Variants in AQP7 observed in about 807,000 individuals in gnomAD.
AQP7 encodes aquaporin-7.
Under a neutral mutation model 26.1 loss-of-function variants are expected in AQP7, and 22 were observed. The observed-to-expected ratio is 0.84, with a 90% CI of 0.60 to 1.20. The LOEUF (loss-of-function observed/expected upper bound fraction) is 1.20. AQP7 is among the 50% of genes most tolerant of loss of function. The probability of loss-of-function intolerance (pLI) is 0.00; values close to 1 mark genes in which losing one functional copy is unlikely to be tolerated. For synonymous variants in AQP7, 167 were observed against 181.7 expected (o/e 0.92, Z 0.65); for missense variants, 412 against 457.5 (o/e 0.90, Z 0.91).
At chr9:33,395,300 C>T (rs1825766125) in intron 2 of AQP7, 105 bp from the exon 3 acceptor site, 1 of 866,998 alleles carries the variant, frequency 1.2e-6, no homozygotes, top group South Asian at 1.5e-5. Context: ...CCAGCAGCCT[C>T]GCCCACACAC....
rs187918938 is a variant in AQP7 at position 33,387,686 on chromosome 9, G to A, written c.145-594C>T. Among the ~76,000 whole-genome samples the A allele has an allele frequency of 7.4e-4, 112 of 151,976 alleles. No individual in the cohort carries two copies. In the Middle Eastern group the frequency reaches 0.01, roughly 14 times the overall value. On this transcript the variant is annotated intron_variant, in intron 3 of 7. Transcript: ENST00000297988. ...CCCTCACGGCTCCTCAGATAATGAC[G>A]CCTTCACAGGGGAAGGGGCCTACCT...
intron 2 of AQP7, among the ~76,000 whole-genome samples, chr9:33,395,973 A>G (rs1022814673): frequency 6.6e-6 from 1 of 152,236 alleles, no homozygotes; most frequent in Non-Finnish European, 1.5e-5. Flanking sequence ...ACTCCCAACT[A>G]GATCCTCAGA....
chr9:33,386,271 T>C (rs1824778036), intron 5 of AQP7, 76 bp from the exon 6 acceptor site: 1 of 1,604,366 alleles, frequency 6.2e-7, no homozygotes, highest in African/African-American at 1.3e-5. Context: ...AGGTTATAGG[T>C]TAGAGGGTGG....
chr9:33,389,993 A>T (rs1306200543), intron 3 of AQP7, among the ~76,000 whole-genome samples: 1 of 145,988 alleles, frequency 6.8e-6, no homozygotes, highest in Non-Finnish European at 1.5e-5. Flanking sequence ...ACGCCACTAC[A>T]CTCCAGCCTG....
At chr9:33,392,966 G>C (rs1410582248) in intron 3 of AQP7, among the ~76,000 whole-genome samples, 4 of 152,180 alleles carry the variant, frequency 2.6e-5, no homozygotes, top group Non-Finnish European at 5.9e-5. Context: ...GGTGACTCAC[G>C]CCAGCAATCC....
intron 2 of AQP7, among the ~76,000 whole-genome samples, chr9:33,397,800 A>G (rs1433084952): frequency 6.6e-6 from 1 of 152,160 alleles, no homozygotes; most frequent in Non-Finnish European, 1.5e-5. Flanking sequence ...AAGTGGATAG[A>G]GCAGAAAGCC....
chr9:33,385,341 A>G, intron 7 of AQP7, 51 bp from the exon 8 acceptor site: 8 of 1,557,252 alleles, frequency 5.1e-6, no homozygotes, highest in Non-Finnish European at 6.9e-6. Flanking sequence ...CCAGGACAGC[A>G]CCCTCATCCA....
rs1825371677 is a variant in AQP7 at position 33,391,283 on chromosome 9, G to A, written c.144+3795C>T. Among the ~76,000 whole-genome samples, 4 of 152,290 alleles carry A rather than the reference G, an allele frequency of 2.6e-5. No homozygotes were observed. The South Asian group carries it at 8.3e-4, about 32-fold the overall frequency. ...TCTCTCTTGAAAAATGAGCAGCTCA[G>A]GCAACACTGGCCTGCATTCCACTCT... On this transcript the variant is annotated intron_variant, in intron 3 of 7. Coordinates refer to ENST00000297988, the MANE Select transcript of AQP7 (RefSeq NM_001170.3).
intron 2 of AQP7, among the ~76,000 whole-genome samples, chr9:33,399,639 G>T (rs1256169062): frequency 1.3e-5 from 2 of 151,918 alleles, no homozygotes; most frequent in African/African-American, 4.8e-5. Flanking sequence ...ATCTACTTAT[G>T]AGTCAAGCAC....
intron 2 of AQP7, among the ~76,000 whole-genome samples, chr9:33,396,886 A>T (rs1825892176): frequency 6.6e-6 from 1 of 151,492 alleles, no homozygotes; most frequent in African/African-American, 2.4e-5. Context: ...GCTTGAGCCC[A>T]GGAGTTCAAG....
At position 33,385,134 on chromosome 9, in the gene AQP7, T is replaced by C. The variant is rs1824618380; in HGVS notation, c.900A>G (p.Val300=). 1.2e-6 allele frequency: 2 copies of C among 1,611,886 alleles called. No homozygotes were observed. Among genetic ancestry groups the C allele is most frequent in the African/African-American group, 1.3e-5 (1 of 74,924 alleles). The part of the protein sequence containing the change: ...SVAYEDHGIT[V]LPKMGSHEPT... Reference sequence around the variant, plus strand: ...GTTCATGAGATCCCATCTTGGGCAATACGGTTATCCCGTGGTCTTCATACG... The same window carrying C: ...GTTCATGAGATCCCATCTTGGGCAACACGGTTATCCCGTGGTCTTCATACG... Residue 300 remains valine (V), a synonymous_variant, in exon 8 of 8, where the codon GTA becomes GTG. Transcript: ENST00000297988.
intron 3 of AQP7, among the ~76,000 whole-genome samples, chr9:33,389,449 A>G (rs1279879026): frequency 1.3e-5 from 2 of 152,154 alleles, no homozygotes; most frequent in Admixed American, 1.3e-4. Flanking sequence ...TGCTGGGATT[A>G]CAGGTGTGAG....
Position 33,384,687 on chromosome 9 carries a change from A to C in AQP7, c.*318T>G. The C allele has an allele frequency of 2.1e-5, 5 of 243,128 alleles. No individual in the cohort carries two copies. In the East Asian group the frequency reaches 2.8e-4, roughly 14 times the overall value. The allele number at this position is 243,128 out of a possible 1,614,324, so 15.1% of individuals were successfully genotyped here. ...AAAGCCGGCCCCCAACCAGTCAGCT[A>C]CGGTCTGTTCCCCAAAACCACCCTT... is the stretch of plus-strand genomic sequence containing the variant. On this transcript the variant is annotated 3_prime_UTR_variant, in exon 8 of 8. Coordinates refer to ENST00000297988, the MANE Select transcript of AQP7 (RefSeq NM_001170.3).
intron 3 of AQP7, among the ~76,000 whole-genome samples, chr9:33,387,773 C>G (rs1264496737): frequency 6.6e-6 from 1 of 152,062 alleles, no homozygotes; most frequent in Non-Finnish European, 1.5e-5. Flanking sequence ...CTGTGCTATC[C>G]TCTCCCTCTG....
intron 2 of AQP7, among the ~76,000 whole-genome samples, chr9:33,399,484 G>C (rs190289870): frequency 1.3e-5 from 2 of 151,890 alleles, no homozygotes; most frequent in East Asian, 1.9e-4. Context: ...TGTAATACCA[G>C]CTGGGGGGGG....
In AQP7 at chr9:33,385,637, C is replaced by A. The variant is rs1824682624; in HGVS notation, c.743+12G>T. The A allele has an allele frequency of 6.2e-7, 1 of 1,612,862 alleles. No individual in the cohort carries two copies. Among genetic ancestry groups the A allele is most frequent in the Non-Finnish European group, 8.5e-7 (1 of 1,179,898 alleles). On this transcript the variant is annotated intron_variant, in intron 7 of 7. Transcript: ENST00000297988. ...AAAAACTCAAAGGAATGGGCCTGGG[C>A]AGGGGCAGTACCTGAAGACCTGTTT...
chr9:33,388,238 A>G (rs1164049237), intron 3 of AQP7, among the ~76,000 whole-genome samples: 1 of 152,000 alleles, frequency 6.6e-6, no homozygotes, highest in African/African-American at 2.4e-5. Flanking sequence ...GCCATCTCAC[A>G]GCACACCTGC....
At chr9:33,393,381 A>G (rs1825580303) in intron 3 of AQP7, among the ~76,000 whole-genome samples, 1 of 152,248 alleles carries the variant, frequency 6.6e-6, no homozygotes, top group African/African-American at 2.4e-5. Context: ...TAAGCCATGC[A>G]GAGACATGCC....
Position 33,385,682 on chromosome 9 carries a change from G to A in AQP7, c.710C>T (p.Thr237Ile), listed in dbSNP as rs1202534815. Residue 237 changes from threonine (T) to isoleucine (I), a missense_variant, in exon 7 of 8, where the codon ACC becomes ATC. By Grantham distance (89) the Thr-to-Ile change is moderately conservative. Coordinates refer to ENST00000297988, the MANE Select transcript of AQP7 (RefSeq NM_001170.3). ...PSRDLPPRIF[T>I]FIAGWGKQVF... The stretch of plus-strand genomic sequence containing the variant: ...CTGTTTGCCCCAACCAGCAATGAAG[G>A]TGAAGATGCGGGGGGGCAGGTCCCG... 1 of 1,613,948 alleles carries A rather than the reference G, an allele frequency of 6.2e-7. No homozygotes were observed.
Sources: gnomAD v4.1 joint callset for allele counts (sites outside exome capture counted in the v4.1 genomes callset) on GRCh38, gnomAD v4.1.1 for gene constraint, MANE v1.5 for transcripts, NCBI Gene and HGNC (gene_info 2026-07-23, HGNC 2026-07-21) for gene names.